Variants in CNTN4 observed in about 807,000 individuals in gnomAD.
CNTN4 encodes the protein contactin 4, also known as contactin-4.
In CNTN4, 77 loss-of-function variants were observed where a neutral mutation model predicts 122.5. The observed-to-expected ratio is 0.63, with a 90% confidence interval of 0.52 to 0.76. The LOEUF (loss-of-function observed/expected upper bound fraction) is 0.76, where lower values mean the gene tolerates loss of function less well. Among genes scored for constraint, CNTN4 ranks in the 30% least tolerant of loss-of-function variants. The pLI is 0.00. For missense variants in CNTN4, 1,256 were observed against 1,259.1 expected (o/e 1.00, Z 0.04); for synonymous variants, 512 against 447.0 (o/e 1.15, Z -1.83).
chr3:2,656,960 C>G (rs2083617532), intron 4 of CNTN4, among the ~76,000 whole-genome samples: 1 of 152,144 alleles, frequency 6.6e-6, no homozygotes, highest in Admixed American at 6.5e-5. Context: ...TCTGAAAAAC[C>G]TATACATAAT....
chr3:2,348,198 T>G (rs1289770306), intron 3 of CNTN4, among the ~76,000 whole-genome samples: 1 of 152,166 alleles, frequency 6.6e-6, no homozygotes, highest in African/African-American at 2.4e-5. Flanking sequence ...TTTGTTAACT[T>G]CTTGCATTTT....
Position 2,721,693 on chromosome 3 carries a change from G to T in CNTN4, c.56-14522G>T, listed in dbSNP as rs115061529. ...AGTTACTGCTGTTTTTGCCTGTAGTGCTTATCAGTGATAGCCTCAGGGTTT... is the reference window on the plus strand; with the variant it reads ...AGTTACTGCTGTTTTTGCCTGTAGTTCTTATCAGTGATAGCCTCAGGGTTT... On this transcript the variant is annotated intron_variant, in intron 4 of 24. Transcript: ENST00000418658. Among the ~76,000 whole-genome samples, 270 of 152,310 alleles carry T rather than the reference G, an allele frequency of 1.8e-3. 2 individuals are homozygous for T. Among genetic ancestry groups the T allele is most frequent in the African/African-American group, 6.3e-3 (263 of 41,566 alleles).
intron 4 of CNTN4, among the ~76,000 whole-genome samples, chr3:2,653,976 G>A (rs537386883): frequency 1.3e-5 from 2 of 152,310 alleles, no homozygotes; most frequent in South Asian, 4.1e-4. Context: ...AACAGTTACA[G>A]GGAAGTGGAA....
In CNTN4 at chr3:3,057,254, A is replaced by G. The variant is rs1209623381; in HGVS notation, c.*1034A>G. On this transcript the variant is annotated 3_prime_UTR_variant, in exon 25 of 25. Coordinates refer to ENST00000418658, the MANE Select transcript of CNTN4 (RefSeq NM_175607.3). ...AGCCCTTCTTTTGAATCAAAATTAC[A>G]TATGGACTTTGGAAGATTGCTCCTA... The G allele has an allele frequency of 6.6e-6, 1 of 152,656 alleles. No homozygotes were observed. The highest frequency in any genetic ancestry group is 2.1e-4 in the South Asian group (1 of 4,828). The allele number at this position is 152,656 out of a possible 1,614,324, so 9.5% of individuals were successfully genotyped here.
At chr3:2,408,840 T>C (rs7617951) in intron 3 of CNTN4, among the ~76,000 whole-genome samples, 41,985 of 152,102 alleles carry the variant, frequency 0.28, 6,838 homozygotes, top group Admixed American at 0.38. Context: ...AGAACAATCT[T>C]CTCATTGTAC....
intron 3 of CNTN4, among the ~76,000 whole-genome samples, chr3:2,443,470 C>A (rs112759380): frequency 6.6e-6 from 1 of 152,174 alleles, no homozygotes; most frequent in African/African-American, 2.4e-5. Flanking sequence ...ACCACCAGGG[C>A]GACTGCCCTT....
rs565106518 is a variant in CNTN4 at position 2,173,010 on chromosome 3, G to T, written c.-145+72371G>T. On this transcript the variant is annotated intron_variant, in intron 2 of 24. Coordinates refer to ENST00000418658, the MANE Select transcript of CNTN4 (RefSeq NM_175607.3). ...AGAACAACTATCAGTGATCTGCAAC[G>T]TGGTAGATTGTGCTGATATCAGTCA... 5.9e-5 allele frequency among the ~76,000 whole-genome samples: 9 copies of T among 152,314 alleles called. No individual in the cohort carries two copies. The South Asian group carries it at 1.9e-3, about 32-fold the overall frequency.
intron 6 of CNTN4, among the ~76,000 whole-genome samples, chr3:2,804,612 C>G (rs538138821): frequency 1.8e-4 from 27 of 152,140 alleles, no homozygotes; most frequent in Non-Finnish European, 3.5e-4. Context: ...GCTGAATTAG[C>G]TAACATACAA....
At chr3:2,969,619 GT>G (rs1340624538) in intron 13 of CNTN4, among the ~76,000 whole-genome samples, 4 of 152,106 alleles carry the variant, frequency 2.6e-5, no homozygotes, top group African/African-American at 9.7e-5. Flanking sequence ...TCAGAGTGAC[GT>G]TGCTTCTTCC....
At chr3:2,166,144 A>G (rs1007464438) in intron 2 of CNTN4, among the ~76,000 whole-genome samples, 5 of 152,090 alleles carry the variant, frequency 3.3e-5, no homozygotes, top group Admixed American at 6.6e-5. Flanking sequence ...GCATAATGGT[A>G]TATTCATTAT....
Position 2,246,539 on chromosome 3 carries a change from G to A in CNTN4, c.-144-92639G>A, listed in dbSNP as rs73807066. On this transcript the variant is annotated intron_variant, in intron 2 of 24. Coordinates refer to ENST00000418658, the MANE Select transcript of CNTN4 (RefSeq NM_175607.3). ...ATAGTGGTAGGCACATCTTTAACTC[G>A]GGAATTAGTTTGAAGTTGCAGAATT... Among the ~76,000 whole-genome samples the A allele has an allele frequency of 3.2e-3, 487 of 151,950 alleles. 2 individuals carry two copies. The highest frequency in any genetic ancestry group is 0.011 in the African/African-American group (467 of 41,470).
intron 14 of CNTN4, among the ~76,000 whole-genome samples, chr3:3,017,850 A>G (rs1015696344): frequency 1.1e-4 from 16 of 152,370 alleles, no homozygotes; most frequent in Admixed American, 2.6e-4. Flanking sequence ...ATCAGCAAAT[A>G]GAACAAATGG....
intron 3 of CNTN4, among the ~76,000 whole-genome samples, chr3:2,419,254 AT>A (rs1455014921): frequency 8.5e-5 from 13 of 152,206 alleles, no homozygotes; most frequent in Non-Finnish European, 1.3e-4. Context: ...TCGAATGAAT[AT>A]AGGTAACATT....
intron 2 of CNTN4, among the ~76,000 whole-genome samples, chr3:2,253,069 T>C (rs1365187608): frequency 6.6e-6 from 1 of 152,132 alleles, no homozygotes; most frequent in Non-Finnish European, 1.5e-5. Flanking sequence ...CTGCAAGTAG[T>C]TTAGGAGCCA....
At chr3:2,770,030 TGTTTG>T (rs1312324718) in intron 6 of CNTN4, among the ~76,000 whole-genome samples, 24 of 143,488 alleles carry the variant, frequency 1.7e-4, no homozygotes, top group African/African-American at 6.2e-4. Context: ...TTTGTTTGTT[TGTTTG>T]TTTTTTTTTT....
chr3:2,766,115 G>A (rs139576049), intron 6 of CNTN4, among the ~76,000 whole-genome samples: 1 of 152,230 alleles, frequency 6.6e-6, no homozygotes, highest in East Asian at 1.9e-4. Flanking sequence ...GCTTCCTTTG[G>A]GGGTTTGGTT....
At chr3:2,744,617 G>A (rs2089655218) in intron 5 of CNTN4, among the ~76,000 whole-genome samples, 1 of 152,220 alleles carries the variant, frequency 6.6e-6, no homozygotes, top group Non-Finnish European at 1.5e-5. Context: ...GAATCGGATA[G>A]TGACTGAGTT....
chr3:2,283,782 C>G (rs964343620), intron 2 of CNTN4, among the ~76,000 whole-genome samples: 1 of 152,088 alleles, frequency 6.6e-6, no homozygotes, highest in African/African-American at 2.4e-5. Context: ...GGCTTACAAT[C>G]CTTGTTTTTT....
intron 4 of CNTN4, among the ~76,000 whole-genome samples, chr3:2,663,280 T>A (rs1330240860): frequency 6.6e-6 from 1 of 152,076 alleles, no homozygotes; most frequent in Non-Finnish European, 1.5e-5. Flanking sequence ...TAGGAATAGA[T>A]AATGAGCTAA....
Sources: gnomAD v4.1 joint callset for allele counts (sites outside exome capture counted in the v4.1 genomes callset) on GRCh38, gnomAD v4.1.1 for gene constraint, MANE v1.5 for transcripts, NCBI Gene and HGNC (gene_info 2026-07-23, HGNC 2026-07-21) for gene names.